The following UNC5D variants were observed in gnomAD, a reference collection of about 807,000 sequenced individuals.
UNC5D encodes the protein netrin receptor UNC5D.
Under a neutral mutation model 105.4 loss-of-function variants are expected in UNC5D, and 39 were observed. The ratio of observed to expected loss-of-function variants is 0.37; its 90% CI spans 0.29 to 0.48. The LOEUF is 0.48. UNC5D is among the 20% of genes least tolerant of loss of function. The pLI is 0.98. For synonymous variants in UNC5D, 452 were observed against 450.4 expected, an observed-to-expected ratio of 1.00 and a Z score of -0.04; for missense variants, 991 against 1,202.4, an observed-to-expected ratio of 0.82 and a Z score of 2.60.
At chr8:35,709,335 G>A (rs1827793551) in intron 8 of UNC5D, among the ~76,000 whole-genome samples, 1 of 152,096 alleles carries the variant, frequency 6.6e-6, no homozygotes, top group South Asian at 2.1e-4. Flanking sequence ...CAGGGTGGGG[G>A]GCTCTGACAG....
At chr8:35,271,690 TG>T (rs1563268074) in intron 1 of UNC5D, among the ~76,000 whole-genome samples, 14 of 73,168 alleles carry the variant, frequency 1.9e-4, no homozygotes, top group South Asian at 1.3e-3. Flanking sequence ...TATGTATACA[TG>T]TATACATGTA....
intron 16 of UNC5D, among the ~76,000 whole-genome samples, chr8:35,786,276 G>T (rs1802738449): frequency 6.6e-6 from 1 of 152,112 alleles, no homozygotes; most frequent in Non-Finnish European, 1.5e-5. Flanking sequence ...ATGTGCTTGT[G>T]CAAATTCAAA....
chr8:35,339,178 C>A (rs1380132295), intron 1 of UNC5D, among the ~76,000 whole-genome samples: 2 of 152,204 alleles, frequency 1.3e-5, no homozygotes, highest in Non-Finnish European at 2.9e-5. Flanking sequence ...ATAAAGGAAT[C>A]TATCCATTCC....
Position 35,639,542 on chromosome 8 carries a change from C to T in UNC5D, c.570+43885C>T, listed in dbSNP as rs532036383. 3.2e-4 allele frequency among the ~76,000 whole-genome samples: 48 copies of T among 152,026 alleles called. No homozygotes were observed. In the South Asian group the frequency reaches 4.8e-3, roughly 15 times the overall value. ...GATGATTATAGAAAATATGTTTCTG[C>T]GGGGTACTGTAATATTAAATCTTAA... On this transcript the variant is annotated intron_variant, in intron 4 of 16. Coordinates refer to ENST00000404895, the MANE Select transcript of UNC5D (RefSeq NM_080872.4).
chr8:35,484,090 T>C (rs1810671396), intron 1 of UNC5D, among the ~76,000 whole-genome samples: 2 of 152,178 alleles, frequency 1.3e-5, no homozygotes, highest in South Asian at 4.1e-4. Context: ...TGAGGTCCCT[T>C]ATCTCTGCCT....
intron 1 of UNC5D, among the ~76,000 whole-genome samples, chr8:35,521,217 G>C (rs923914256): frequency 6.6e-6 from 1 of 151,924 alleles, no homozygotes; most frequent in Non-Finnish European, 1.5e-5. Context: ...AAAGGGAGGA[G>C]GCAGAGGAGG....
intron 4 of UNC5D, among the ~76,000 whole-genome samples, chr8:35,613,668 G>T (rs1340686193): frequency 6.6e-6 from 1 of 152,044 alleles, no homozygotes; most frequent in Admixed American, 6.6e-5. Context: ...GGGAAACATG[G>T]CAAAACCCCA....
At chr8:35,732,728 C>A (rs929998975) in intron 11 of UNC5D, among the ~76,000 whole-genome samples, 3 of 152,166 alleles carry the variant, frequency 2.0e-5, no homozygotes, top group Non-Finnish European at 2.9e-5. Flanking sequence ...TCTGCATCCC[C>A]CTCCCTTGGT....
chr8:35,620,520 C>T (rs1821303709), intron 4 of UNC5D, among the ~76,000 whole-genome samples: 1 of 152,132 alleles, frequency 6.6e-6, no homozygotes, highest in Non-Finnish European at 1.5e-5. Flanking sequence ...CAGACCCTTA[C>T]CCCCACTGTT....
chr8:35,510,300 T>C (rs1812611018), intron 1 of UNC5D, among the ~76,000 whole-genome samples: 1 of 144,832 alleles, frequency 6.9e-6, no homozygotes, highest in Non-Finnish European at 1.5e-5. Flanking sequence ...CCAGTCATCT[T>C]TTTTATATCC....
chr8:35,651,355 A>G (rs1823390665), intron 4 of UNC5D, among the ~76,000 whole-genome samples: 1 of 152,176 alleles, frequency 6.6e-6, no homozygotes, highest in Non-Finnish European at 1.5e-5. Context: ...TAAAAGGATG[A>G]AGGGAATGAT....
At chr8:35,419,850 G>A (rs1805775247) in intron 1 of UNC5D, among the ~76,000 whole-genome samples, 1 of 152,148 alleles carries the variant, frequency 6.6e-6, no homozygotes, top group African/African-American at 2.4e-5. Flanking sequence ...AACGGAGAGT[G>A]AGGAAGGCAG....
chr8:35,366,211 G>C (rs1189849604), intron 1 of UNC5D, among the ~76,000 whole-genome samples: 1 of 152,010 alleles, frequency 6.6e-6, no homozygotes, highest in African/African-American at 2.4e-5. Flanking sequence ...GTCTTGGAGT[G>C]TTTGAGGGCA....
chr8:35,706,303 T>C (rs1366849364), intron 8 of UNC5D, among the ~76,000 whole-genome samples: 1 of 152,184 alleles, frequency 6.6e-6, no homozygotes, highest in Non-Finnish European at 1.5e-5. Context: ...AGAGCAGCCT[T>C]GGGCAAAAGC....
At chr8:35,311,031 C>A (rs939079780) in intron 1 of UNC5D, among the ~76,000 whole-genome samples, 2 of 152,090 alleles carry the variant, frequency 1.3e-5, no homozygotes, top group Admixed American at 1.3e-4. Flanking sequence ...CCTAGGAAAG[C>A]CTAGAGAATA....
chr8:35,372,604 AT>A (rs984547352), intron 1 of UNC5D, among the ~76,000 whole-genome samples: 1 of 151,194 alleles, frequency 6.6e-6, no homozygotes, highest in Admixed American at 6.6e-5. Context: ...ATATTTTATT[AT>A]TTTTTTTTCT....
rs145496067 is a variant in UNC5D, at chr8:35,367,113, T to C, written c.103+131226T>C. On this transcript the variant is annotated intron_variant, in intron 1 of 16. Coordinates refer to ENST00000404895, the MANE Select transcript of UNC5D (RefSeq NM_080872.4). ...GAACCTCTCATATGCTGCTGTTCAT[T>C]GTGAATCTCTCAGGGGATATAGTAA... Among the ~76,000 whole-genome samples, 519 of 152,266 alleles carry C rather than the reference T, an allele frequency of 3.4e-3. 3 individuals are homozygous for C. Among genetic ancestry groups the C allele is most frequent in the African/African-American group, 0.012 (488 of 41,548 alleles).
intron 1 of UNC5D, among the ~76,000 whole-genome samples, chr8:35,349,680 A>G (rs909379985): frequency 2.6e-5 from 4 of 152,014 alleles, no homozygotes; most frequent in African/African-American, 9.7e-5. Flanking sequence ...ATGGCACTCC[A>G]TGAAATGAAA....
At chr8:35,652,077 T>G (rs1026923000) in intron 4 of UNC5D, among the ~76,000 whole-genome samples, 1 of 152,206 alleles carries the variant, frequency 6.6e-6, no homozygotes, top group Non-Finnish European at 1.5e-5. Context: ...CCATGCCAAG[T>G]TGCTCTTATA....
Sources: gnomAD v4.1 joint callset for allele counts (sites outside exome capture counted in the v4.1 genomes callset) on GRCh38, gnomAD v4.1.1 for gene constraint, MANE v1.5 for transcripts, NCBI Gene and HGNC (gene_info 2026-07-23, HGNC 2026-07-21) for gene names.